The following CCL2 variants were observed in gnomAD, a reference collection of about 807,000 sequenced individuals.
The protein encoded by CCL2 is C-C motif chemokine ligand 2.
CCL2 carries 2 observed loss-of-function variants against 6.7 expected under a neutral mutation model. The ratio of observed to expected loss-of-function variants is 0.30; its 90% CI spans 0.12 to 0.94. The LOEUF (loss-of-function observed/expected upper bound fraction) is 0.94. Among genes scored for constraint, CCL2 ranks in the 40% least tolerant of loss-of-function variants. The pLI is 0.54. For missense variants in CCL2, 89 were observed against 119.3 expected, an observed-to-expected ratio of 0.75 and a Z score of 1.18; for synonymous variants, 43 against 45.2, an observed-to-expected ratio of 0.95 and a Z score of 0.19.
intron 1 of CCL2, chr17:34,255,834 A>G (rs968625894): frequency 1.2e-5 from 3 of 260,092 alleles, no homozygotes; most frequent in Non-Finnish European, 2.2e-5. Flanking sequence ...GGTAATGAGT[A>G]TCAGGGAAAC....
intron 1 of CCL2, 129 bp from the exon 2 acceptor site, chr17:34,256,093 T>A (rs1408673969): frequency 3.0e-6 from 2 of 658,790 alleles, no homozygotes; most frequent in Non-Finnish European, 5.4e-6. Flanking sequence ...GCAGAAGCAC[T>A]GGGATTTAAT....
At position 34,257,124 on chromosome 17, in the gene CCL2, T is replaced by C; in HGVS notation, c.*297T>C. The C allele has an allele frequency of 4.7e-6, 1 of 213,594 alleles. No individual in the cohort carries two copies. Among genetic ancestry groups the C allele is most frequent in the South Asian group, 1.5e-4 (1 of 6,682 alleles). 13.2% of individuals were successfully genotyped at this position (213,594 alleles called of 1,614,324 possible). A position where few individuals can be genotyped will look rare whatever the true frequency, so the allele number is the denominator to read the frequency against. ...TAATACAAAGAATTTTTTTTAACAT[T>C]CCAATGCATTGCTAAAATATTATTG... is the stretch of plus-strand genomic sequence containing the variant. On this transcript the variant is annotated 3_prime_UTR_variant, in exon 3 of 3. Transcript: ENST00000225831.
rs1907688085 is a variant in CCL2, at chr17:34,256,426, G to A, written c.194+87G>A. The A allele has an allele frequency of 2.3e-5, 21 of 907,892 alleles. 1 individual carries two copies. The South Asian group carries it at 2.6e-4, about 11-fold the overall frequency. The allele number at this position is 907,892 out of a possible 1,614,324, so 56.2% of individuals were successfully genotyped here. On this transcript the variant is annotated intron_variant, in intron 2 of 2. Transcript: ENST00000225831. ...CCTCATAAACCTAGAGTCAGAGAGT[G>A]CACTATTTAACTTAATGTACAAAGG...
rs780351792 is a variant in CCL2, at chr17:34,256,260, A to G, written c.115A>G (p.Thr39Ala). 4.3e-6 allele frequency: 7 copies of G among 1,613,610 alleles called. No individual in the cohort carries two copies. In the African/African-American group the frequency reaches 5.3e-5, roughly 12 times the overall value. ...CCCAGTCACCTGCTGTTATAACTTC[A>G]CCAATAGGAAGATCTCAGTGCAGAG... ...NAPVTCCYNF[T>A]NRKISVQRLA... Residue 39 changes from threonine to alanine, a missense_variant, in exon 2 of 3, where the codon ACC becomes GCC. Coordinates refer to ENST00000225831, the MANE Select transcript of CCL2 (RefSeq NM_002982.4).
rs371187910 is a variant in CCL2, at chr17:34,256,265, T to C, written c.120T>C (p.Asn40=). 562 of 1,613,626 alleles carry C rather than the reference T, an allele frequency of 3.5e-4. 1 individual carries two copies. The highest frequency in any genetic ancestry group is 8.2e-4 in the Middle Eastern group (5 of 6,082). ...APVTCCYNFT[N]RKISVQRLAS... is the part of the protein sequence containing the mutation. ...TCACCTGCTGTTATAACTTCACCAA[T>C]AGGAAGATCTCAGTGCAGAGGCTCG... Residue 40 remains asparagine, a synonymous_variant, in exon 2 of 3, where the codon AAT becomes AAC. Coordinates refer to ENST00000225831, the MANE Select transcript of CCL2 (RefSeq NM_002982.4).
In CCL2 at chr17:34,255,416, G is replaced by T. The variant is rs1020627118; in HGVS notation, c.67G>T (p.Ala23Ser). Residue 23 changes from alanine to serine, a missense_variant, in exon 1 of 3, where the codon GCT becomes TCT. Physicochemically the swap from Ala to Ser is moderately conservative, Grantham distance 99. Transcript: ENST00000225831. ...AGCCACCTTCATTCCCCAAGGGCTC[G>T]CTCAGCCAGGTAAGGCCCCCTCTTC... ...IAATFIPQGL[A>S]QPDAINAPVT... 1 of 1,613,536 alleles carries T rather than the reference G, an allele frequency of 6.2e-7. No homozygotes were observed. Among genetic ancestry groups the T allele is most frequent in the Non-Finnish European group, 8.5e-7 (1 of 1,179,732 alleles).
Position 34,256,263 on chromosome 17 carries a change from A to G in CCL2, c.118A>G (p.Asn40Asp), listed in dbSNP as rs1349052925. The G allele has an allele frequency of 6.2e-7, 1 of 1,613,796 alleles. No homozygotes were observed. Among genetic ancestry groups the G allele is most frequent in the South Asian group, 1.1e-5 (1 of 91,072 alleles). The change falls in exon 2 of 3, where the codon AAT becomes GAT. Residue 40 changes from asparagine (N) to aspartate (D), a missense_variant. By Grantham distance (23) the Asn-to-Asp change is conservative. Coordinates refer to ENST00000225831, the MANE Select transcript of CCL2 (RefSeq NM_002982.4). Reference protein sequence around the residue: ...APVTCCYNFTNRKISVQRLAS... With the variant: ...APVTCCYNFTDRKISVQRLAS... ...AGTCACCTGCTGTTATAACTTCACC[A>G]ATAGGAAGATCTCAGTGCAGAGGCT... is the stretch of plus-strand genomic sequence containing the variant.
At position 34,256,855 on chromosome 17, in the gene CCL2, C is replaced by A; in HGVS notation, c.*28C>A. 7.0e-7 allele frequency: 1 copy of A among 1,423,582 alleles called. No individual in the cohort carries two copies. Among genetic ancestry groups the A allele is most frequent in the Non-Finnish European group, 9.9e-7 (1 of 1,011,238 alleles). 88.2% of individuals were successfully genotyped at this position (1,423,582 alleles called of 1,614,324 possible). A position where few individuals can be genotyped will look rare whatever the true frequency, so the allele number is the denominator to read the frequency against. On this transcript the variant is annotated 3_prime_UTR_variant, in exon 3 of 3. Transcript: ENST00000225831. The stretch of plus-strand genomic sequence containing the variant: ...ACTCACTCCACAACCCAAGAATCTG[C>A]AGCTAACTTATTTTCCCCTAGCTTT...
chr17:34,255,340 C>A lies in CCL2; in HGVS notation c.-10C>A. 2 of 1,613,394 alleles carry A rather than the reference C, an allele frequency of 1.2e-6. No individual in the cohort carries two copies. The highest frequency in any genetic ancestry group is 1.1e-5 in the South Asian group (1 of 91,066). On this transcript the variant is annotated 5_prime_UTR_variant, in exon 1 of 3. Coordinates refer to ENST00000225831, the MANE Select transcript of CCL2 (RefSeq NM_002982.4). ...ATTCTCAAACTGAAGCTCGCACTCT[C>A]GCCTCCAGCATGAAAGTCTCTGCCG...
At position 34,255,393 on chromosome 17, in the gene CCL2, C is replaced by G; in HGVS notation, c.44C>G (p.Ala15Gly). The change falls in exon 1 of 3, where the codon GCC becomes GGC. Residue 15 changes from alanine (A) to glycine (G), a missense_variant. Coordinates refer to ENST00000225831, the MANE Select transcript of CCL2 (RefSeq NM_002982.4). ...CTTCTGTGCCTGCTGCTCATAGCAG[C>G]CACCTTCATTCCCCAAGGGCTCGCT... is the stretch of plus-strand genomic sequence containing the variant. ...AALLCLLLIA[A>G]TFIPQGLAQP... 1.2e-6 allele frequency: 2 copies of G among 1,614,002 alleles called. No homozygotes were observed. Among genetic ancestry groups the G allele is most frequent in the South Asian group, 1.1e-5 (1 of 91,070 alleles).
At chr17:34,256,698 T>G (rs776664061) in intron 2 of CCL2, 24 bp from the exon 3 acceptor site, 7 of 1,546,592 alleles carry the variant, frequency 4.5e-6, no homozygotes, top group Non-Finnish European at 6.2e-6. Flanking sequence ...GAACTTCATC[T>G]AACTCTGTCC....
Position 34,256,865 on chromosome 17 carries a change from AT to A in CCL2, c.*42del. 1 of 1,337,498 alleles carries A rather than the reference AT, an allele frequency of 7.5e-7. No individual in the cohort carries two copies. Among genetic ancestry groups the A allele is most frequent in the Non-Finnish European group, 1.1e-6 (1 of 933,684 alleles). The allele number at this position is 1,337,498 out of a possible 1,614,324, so 82.9% of individuals were successfully genotyped here. A position where few individuals can be genotyped will look rare whatever the true frequency, so the allele number is the denominator to read the frequency against. On this transcript the variant is annotated 3_prime_UTR_variant, in exon 3 of 3. Coordinates refer to ENST00000225831, the MANE Select transcript of CCL2 (RefSeq NM_002982.4). ...CAACCCAAGAATCTGCAGCTAACTT[AT>A]TTTCCCCTAGCTTTCCCCAGACACC...
rs764415777 is a variant in CCL2, at chr17:34,256,865, A to AT, written c.*42dup. 2 of 1,337,400 alleles carry AT rather than the reference A, an allele frequency of 1.5e-6. No homozygotes were observed. Among genetic ancestry groups the AT allele is most frequent in the Admixed American group, 3.5e-5 (2 of 56,968 alleles). 82.8% of individuals were successfully genotyped at this position (1,337,400 alleles called of 1,614,324 possible). A position where few individuals can be genotyped will look rare whatever the true frequency, so the allele number is the denominator to read the frequency against. On this transcript the variant is annotated 3_prime_UTR_variant, in exon 3 of 3. Coordinates refer to ENST00000225831, the MANE Select transcript of CCL2 (RefSeq NM_002982.4). ...CAACCCAAGAATCTGCAGCTAACTTATTTTCCCCTAGCTTTCCCCAGACAC... is the reference window on the plus strand; with the variant it reads ...CAACCCAAGAATCTGCAGCTAACTTATTTTTCCCCTAGCTTTCCCCAGACAC...
chr17:34,256,889 A>C lies in CCL2; in HGVS notation c.*62A>C. On this transcript the variant is annotated 3_prime_UTR_variant, in exon 3 of 3. Transcript: ENST00000225831. ...TATTTTCCCCTAGCTTTCCCCAGAC[A>C]CCCTGTTTTATTTTATTATAATGAA... The C allele has an allele frequency of 9.9e-7, 1 of 1,008,540 alleles. No individual in the cohort carries two copies. Among genetic ancestry groups the C allele is most frequent in the Non-Finnish European group, 1.5e-6 (1 of 650,292 alleles). The allele number at this position is 1,008,540 out of a possible 1,614,324, so 62.5% of individuals were successfully genotyped here.
At chr17:34,255,488 C>A in intron 1 of CCL2, 63 bp downstream of exon 1, 2 of 1,384,742 alleles carry the variant, frequency 1.4e-6, no homozygotes, top group Non-Finnish European at 2.0e-6. Flanking sequence ...CATGGACCAT[C>A]CAAGCAGACG....
intron 1 of CCL2, 145 bp from the exon 2 acceptor site, chr17:34,256,077 G>T (rs1409545793): frequency 1.9e-5 from 12 of 625,500 alleles, no homozygotes; most frequent in Non-Finnish European, 3.4e-5. Context: ...TAGCTCTGAG[G>T]TATAGGCAGA....
At position 34,256,716 on chromosome 17, in the gene CCL2, C is replaced by T. The variant is rs764419441; in HGVS notation, c.195-6C>T. Reference sequence around the variant, plus strand: ...CTTCATCTAACTCTGTCCTCCCTCCCCACAGCTTCAAGACCATTGTGGCCA... The same window carrying T: ...CTTCATCTAACTCTGTCCTCCCTCCTCACAGCTTCAAGACCATTGTGGCCA... On this transcript the variant is annotated splice_region_variant and splice_polypyrimidine_tract_variant and intron_variant, in intron 2 of 2. Transcript: ENST00000225831. The T allele has an allele frequency of 2.5e-6, 4 of 1,604,476 alleles. No homozygotes were observed. In the South Asian group the frequency reaches 4.4e-5, roughly 18 times the overall value.
chr17:34,255,592 G>A, intron 1 of CCL2, 167 bp downstream of exon 1: 1 of 575,676 alleles, frequency 1.7e-6, no homozygotes, highest in Non-Finnish European at 3.1e-6. Flanking sequence ...CTGCTGCTCG[G>A]CAGAGCCTGA....
At chr17:34,255,446 C>A in intron 1 of CCL2, 21 bp downstream of exon 1, 1 of 1,594,718 alleles carries the variant, frequency 6.3e-7, no homozygotes, top group Non-Finnish European at 8.6e-7. Context: ...CTCTTCTTCT[C>A]CTTGAACCAC....
Sources: allele counts gnomAD v4.1 joint callset, GRCh38; gene constraint gnomAD v4.1.1; transcripts MANE v1.5; gene names NCBI Gene and HGNC (gene_info 2026-07-23, HGNC 2026-07-21).